HOMER1: variants seen among roughly 807,000 people sequenced by gnomAD.
HOMER1 encodes homer protein homolog 1.
HOMER1 carries 3 observed loss-of-function variants against 48.9 expected under a neutral mutation model. The observed-to-expected ratio is 0.06, with a 90% CI of 0.03 to 0.16. The LOEUF (loss-of-function observed/expected upper bound fraction) is 0.16, where lower values mean the gene tolerates loss of function less well. HOMER1 is among the 10% of genes least tolerant of loss of function. The pLI, the probability that HOMER1 is intolerant of heterozygous loss-of-function variation, is 1.00. For missense variants in HOMER1, 247 were observed against 411.4 expected, an observed-to-expected ratio of 0.60 and a Z score of 3.46; for synonymous variants, 134 against 146.4, an observed-to-expected ratio of 0.92 and a Z score of 0.61.
chr5:79,462,950 T>C (rs1751357686), intron 1 of HOMER1, among the ~76,000 whole-genome samples: 1 of 152,218 alleles, frequency 6.6e-6, no homozygotes, highest in African/African-American at 2.4e-5. Context: ...GATATGTAAG[T>C]ACAAATGGCT....
intron 5 of HOMER1, among the ~76,000 whole-genome samples, chr5:79,422,823 ATCTCTTTTTTTTTTTTTTTTTTTGG>A (rs1750137655): frequency 6.9e-6 from 1 of 145,876 alleles, no homozygotes; most frequent in Non-Finnish European, 1.5e-5. Context: ...TTAAAAGATG[ATCTCTTTTTTTTTTTTTTTTTTTGG>A]CTAGTCAAGT....
At chr5:79,416,709 G>GA (rs1350882663) in intron 5 of HOMER1, among the ~76,000 whole-genome samples, 1 of 152,164 alleles carries the variant, frequency 6.6e-6, no homozygotes, top group African/African-American at 2.4e-5. Flanking sequence ...CTGAGGAATG[G>GA]AAATACAAGG....
chr5:79,451,219 T>C, intron 2 of HOMER1, 98 bp from the exon 3 acceptor site: 1 of 1,245,118 alleles, frequency 8.0e-7, no homozygotes, highest in Admixed American at 2.0e-5. Flanking sequence ...AGATTATCAA[T>C]AAGCCACAAC....
In HOMER1 at chr5:79,514,133, G is replaced by A. The variant is rs1753030976; in HGVS notation, c.-1359C>T. On this transcript the variant is annotated 5_prime_UTR_variant, in exon 1 of 9. Transcript: ENST00000334082. ...GGCGTGAAGCTAGCGCGGCGGCAGA[G>A]TGGGCTGCGGGGGGCGGGAAGGGGG... 2.6e-5 allele frequency: 4 copies of A among 152,234 alleles called. No individual in the cohort carries two copies. Among genetic ancestry groups the A allele is most frequent in the Middle Eastern group, 3.4e-3 (1 of 296 alleles). 9.4% of individuals were successfully genotyped at this position (152,234 alleles called of 1,614,324 possible). A position where few individuals can be genotyped will look rare whatever the true frequency, so the allele number is the denominator to read the frequency against.
intron 5 of HOMER1, among the ~76,000 whole-genome samples, chr5:79,433,231 C>T (rs578197168): frequency 6.6e-6 from 1 of 152,176 alleles, no homozygotes; most frequent in South Asian, 2.1e-4. Context: ...CACTTTTTTC[C>T]TGTTTTTATC....
chr5:79,377,379 T>C (rs184535799), intron 8 of HOMER1, among the ~76,000 whole-genome samples: 17 of 152,254 alleles, frequency 1.1e-4, no homozygotes, highest in African/African-American at 4.1e-4. Flanking sequence ...AAAATCAGAT[T>C]GAGAAAAATG....
intron 1 of HOMER1, among the ~76,000 whole-genome samples, chr5:79,459,003 G>A (rs537801687): frequency 1.3e-5 from 2 of 152,160 alleles, no homozygotes; most frequent in Non-Finnish European, 2.9e-5. Flanking sequence ...GGCTGGGAGT[G>A]GCTAGTTACA....
chr5:79,390,005 G>A (rs574632675), intron 8 of HOMER1, among the ~76,000 whole-genome samples: 4 of 152,182 alleles, frequency 2.6e-5, no homozygotes, highest in South Asian at 4.1e-4. Context: ...AATAAACCAG[G>A]CCAGGCACGG....
intron 2 of HOMER1, among the ~76,000 whole-genome samples, chr5:79,455,409 A>G (rs1357994988): frequency 6.6e-6 from 1 of 151,696 alleles, no homozygotes; most frequent in Non-Finnish European, 1.5e-5. Context: ...TGTGATAGTG[A>G]CTCTCACGAG....
rs1580405712 is a variant in HOMER1, at chr5:79,373,958, C to T, written c.*2051G>A. On this transcript the variant is annotated 3_prime_UTR_variant, in exon 9 of 9. Transcript: ENST00000334082. ...GGTGAGTTTTTTCATTAAATGATCA[C>T]TATGTCAAAATTTAAAAATATTTTA... The T allele has an allele frequency of 6.6e-6, 1 of 151,806 alleles. No individual in the cohort carries two copies. The highest frequency in any genetic ancestry group is 1.9e-4 in the East Asian group (1 of 5,196). 9.4% of individuals were successfully genotyped at this position (151,806 alleles called of 1,614,324 possible).
chr5:79,387,038 C>T (rs1258742190), intron 8 of HOMER1, among the ~76,000 whole-genome samples: 1 of 142,116 alleles, frequency 7.0e-6, no homozygotes, highest in African/African-American at 2.7e-5. Flanking sequence ...TCCCTCCCTC[C>T]CTCTCCTTCC....
intron 8 of HOMER1, among the ~76,000 whole-genome samples, chr5:79,389,503 G>A (rs1329254154): frequency 2.6e-5 from 4 of 152,180 alleles, no homozygotes; most frequent in Admixed American, 2.0e-4. Context: ...GAGACGATTA[G>A]GTCATGAGGG....
intron 5 of HOMER1, among the ~76,000 whole-genome samples, chr5:79,432,701 C>A (rs750480273): frequency 6.6e-6 from 1 of 152,112 alleles, no homozygotes; most frequent in African/African-American, 2.4e-5. Flanking sequence ...AGCTAATAAA[C>A]ACTCTTAGTC....
chr5:79,476,456 TC>T (rs1022254535), intron 1 of HOMER1, among the ~76,000 whole-genome samples: 4 of 151,966 alleles, frequency 2.6e-5, no homozygotes, highest in African/African-American at 9.7e-5. Context: ...GAGAGCTCAG[TC>T]CCCCAAAACT....
rs1752983062 is a variant in HOMER1, at chr5:79,512,986, G to A, written c.-212C>T. The A allele has an allele frequency of 3.4e-6, 2 of 582,778 alleles. No individual in the cohort carries two copies. Among genetic ancestry groups the A allele is most frequent in the Middle Eastern group, 2.6e-4 (1 of 3,778 alleles). 36.1% of individuals were successfully genotyped at this position (582,778 alleles called of 1,614,324 possible). On this transcript the variant is annotated 5_prime_UTR_variant, in exon 1 of 9. Coordinates refer to ENST00000334082, the MANE Select transcript of HOMER1 (RefSeq NM_004272.5). ...AATACCAAAACGTTCAAACAGAGGC[G>A]GCATTTGCTTATTCGAGTTAAAATG...
At chr5:79,412,221 T>C (rs1316466739) in intron 5 of HOMER1, among the ~76,000 whole-genome samples, 4 of 152,226 alleles carry the variant, frequency 2.6e-5, no homozygotes, top group African/African-American at 4.8e-5. Flanking sequence ...TCCCTAACTA[T>C]GAAAGCACTC....
In HOMER1 at chr5:79,503,327, G is replaced by A. The variant is rs1006113035; in HGVS notation, c.5+9443C>T. Among the ~76,000 whole-genome samples the A allele has an allele frequency of 4.5e-4, 68 of 151,882 alleles. 1 individual carries two copies. The highest frequency in any genetic ancestry group is 1.4e-3 in the Admixed American group (21 of 15,266). Reference sequence around the variant, plus strand: ...GCAGGCAGATCACTTGAGGTCAGGAGCTCGAGACCAGCCTGGAAAACACGA... The same window carrying A: ...GCAGGCAGATCACTTGAGGTCAGGAACTCGAGACCAGCCTGGAAAACACGA... On this transcript the variant is annotated intron_variant, in intron 1 of 8. Transcript: ENST00000334082.
intron 2 of HOMER1, 127 bp downstream of exon 2, chr5:79,456,735 T>C: frequency 1.2e-6 from 1 of 830,104 alleles, no homozygotes; most frequent in South Asian, 2.3e-5. Flanking sequence ...ATTTTGTTTC[T>C]TAAAAGTTTT....
At chr5:79,496,049 C>G (rs532693235) in intron 1 of HOMER1, among the ~76,000 whole-genome samples, 2 of 152,198 alleles carry the variant, frequency 1.3e-5, no homozygotes, top group East Asian at 3.9e-4. Flanking sequence ...ATACAGTTTT[C>G]AAAATGTATT....
Sources: gnomAD v4.1 joint callset for allele counts (sites outside exome capture counted in the v4.1 genomes callset) on GRCh38, gnomAD v4.1.1 for gene constraint, MANE v1.5 for transcripts, NCBI Gene and HGNC (gene_info 2026-07-23, HGNC 2026-07-21) for gene names.